Variants in CREBL2 observed in about 807,000 individuals in gnomAD.
The protein encoded by CREBL2 is cAMP responsive element binding protein like 2.
Under a neutral mutation model 19.5 loss-of-function variants are expected in CREBL2, and 4 were observed. That is an observed-to-expected ratio of 0.20 (90% CI 0.10 to 0.47). The LOEUF (loss-of-function observed/expected upper bound fraction) is 0.47, where lower values mean the gene tolerates loss of function less well. Among genes scored for constraint, CREBL2 ranks in the 20% least tolerant of loss-of-function variants. The pLI, the probability that CREBL2 is intolerant of heterozygous loss-of-function variation, is 0.98. For synonymous variants in CREBL2, 42 were observed against 46.6 expected, an observed-to-expected ratio of 0.90 and a Z score of 0.40; for missense variants, 85 against 145.1, an observed-to-expected ratio of 0.59 and a Z score of 2.13.
chr12:12,643,420 T>C lies in CREBL2; in HGVS notation c.*1422T>C, dbSNP rs1382224238. ...AGTTGTGTTCTCTGTCGCTGCTAAA[T>C]TATTCTTCACTTGAGTGAAGCAAAT... On this transcript the variant is annotated 3_prime_UTR_variant, in exon 4 of 4. Transcript: ENST00000228865. 1.3e-5 allele frequency: 2 copies of C among 152,680 alleles called. No individual in the cohort carries two copies. The highest frequency in any genetic ancestry group is 6.5e-5 in the Admixed American group (1 of 15,282). 9.5% of individuals were successfully genotyped at this position (152,680 alleles called of 1,614,324 possible).
chr12:12,634,721 A>C (rs578173287), intron 1 of CREBL2, among the ~76,000 whole-genome samples: 2 of 152,258 alleles, frequency 1.3e-5, no homozygotes, highest in East Asian at 3.9e-4. Flanking sequence ...TGAGTTCTTT[A>C]AATGTATTTT....
intron 1 of CREBL2, among the ~76,000 whole-genome samples, chr12:12,616,948 G>A (rs1458423968): frequency 6.6e-6 from 1 of 152,196 alleles, no homozygotes; most frequent in Non-Finnish European, 1.5e-5. Flanking sequence ...GGTAGTATTT[G>A]AGTGAGTAGG....
chr12:12,618,470 T>G (rs1396500704), intron 1 of CREBL2, among the ~76,000 whole-genome samples: 3 of 136,378 alleles, frequency 2.2e-5, no homozygotes, highest in Admixed American at 1.5e-4. Flanking sequence ...ATCTCAGACG[T>G]TGGGCGGCCG....
chr12:12,641,247 A>ATTTTTTTTTTTTTT (rs1380373401), intron 3 of CREBL2, among the ~76,000 whole-genome samples: 36 of 22,072 alleles, frequency 1.6e-3, no homozygotes, highest in East Asian at 4.2e-3. Flanking sequence ...TATTATTATT[A>ATTTTTTTTTTTTTT]TTATTATTTT....
rs1170248088 is a variant in CREBL2, at chr12:12,645,086, A to G, written c.*3088A>G. 6.6e-6 allele frequency: 1 copy of G among 152,226 alleles called. No homozygotes were observed. The highest frequency in any genetic ancestry group is 2.4e-5 in the African/African-American group (1 of 41,458). The allele number at this position is 152,226 out of a possible 1,614,324, so 9.4% of individuals were successfully genotyped here. On this transcript the variant is annotated 3_prime_UTR_variant, in exon 4 of 4. Transcript: ENST00000228865. ...AAACTGTTAAATAGGGAAGAACTAC[A>G]TTAAATTTAAATATTCACATTATGC...
At chr12:12,638,897 T>C (rs1012910123) in intron 3 of CREBL2, among the ~76,000 whole-genome samples, 5 of 152,212 alleles carry the variant, frequency 3.3e-5, no homozygotes, top group African/African-American at 7.2e-5. Context: ...GCAACCATTA[T>C]GTCTACCTAG....
chr12:12,623,877 A>G (rs1945380371), intron 1 of CREBL2, among the ~76,000 whole-genome samples: 1 of 152,216 alleles, frequency 6.6e-6, no homozygotes, highest in African/African-American at 2.4e-5. Context: ...ACTAAGGTAG[A>G]GGGAGCTTTG....
chr12:12,613,423 T>C (rs1247918095), intron 1 of CREBL2, among the ~76,000 whole-genome samples: 1 of 152,172 alleles, frequency 6.6e-6, no homozygotes, highest in African/African-American at 2.4e-5. Context: ...TGGGTGTCTT[T>C]TTTTGCTGCT....
At chr12:12,618,567 G>C (rs1375696342) in intron 1 of CREBL2, among the ~76,000 whole-genome samples, 1 of 152,008 alleles carries the variant, frequency 6.6e-6, no homozygotes, top group Non-Finnish European at 1.5e-5. Flanking sequence ...GGGCAGAGGG[G>C]CTCCTCACAT....
Position 12,644,270 on chromosome 12 carries a change from C to G in CREBL2, c.*2272C>G, listed in dbSNP as rs1332683588. On this transcript the variant is annotated 3_prime_UTR_variant, in exon 4 of 4. Coordinates refer to ENST00000228865, the MANE Select transcript of CREBL2 (RefSeq NM_001310.4). ...TGCCTCGGCTATTGTGCTGGCTGGACACTTTGGTCACTTTTGAAGCATGTT... is the reference window on the plus strand; with the variant it reads ...TGCCTCGGCTATTGTGCTGGCTGGAGACTTTGGTCACTTTTGAAGCATGTT... 1 of 152,188 alleles carries G rather than the reference C, an allele frequency of 6.6e-6. No homozygotes were observed. Among genetic ancestry groups the G allele is most frequent in the Non-Finnish European group, 1.5e-5 (1 of 68,030 alleles). 9.4% of individuals were successfully genotyped at this position (152,188 alleles called of 1,614,324 possible).
chr12:12,633,720 C>T (rs1180699123), intron 1 of CREBL2, among the ~76,000 whole-genome samples: 2 of 152,138 alleles, frequency 1.3e-5, no homozygotes, highest in Non-Finnish European at 2.9e-5. Flanking sequence ...CTTGACCTAA[C>T]TATTAGACTT....
At chr12:12,631,312 G>C (rs189465895) in intron 1 of CREBL2, among the ~76,000 whole-genome samples, 2 of 152,272 alleles carry the variant, frequency 1.3e-5, no homozygotes, top group Admixed American at 1.3e-4. Context: ...CTCACTGTCC[G>C]CATCTCACAA....
Position 12,617,296 on chromosome 12 carries a change from G to T in CREBL2, c.15+5109G>T, listed in dbSNP as rs973738285. On this transcript the variant is annotated intron_variant, in intron 1 of 3. Transcript: ENST00000228865. The stretch of plus-strand genomic sequence containing the variant: ...CCAGCACATACTTACAATGGCAAAT[G>T]AGAGAAATAAAGCAAGAGACAGATT... 2.0e-5 allele frequency among the ~76,000 whole-genome samples: 3 copies of T among 152,320 alleles called. No homozygotes were observed. The East Asian group carries it at 5.8e-4, about 29-fold the overall frequency.
chr12:12,631,107 C>T (rs2136304328), intron 1 of CREBL2, among the ~76,000 whole-genome samples: 1 of 152,302 alleles, frequency 6.6e-6, no homozygotes. Context: ...TGCTTGTAAT[C>T]AGTAGACTTT....
intron 1 of CREBL2, among the ~76,000 whole-genome samples, chr12:12,613,193 C>A (rs1372690779): frequency 1.3e-5 from 2 of 152,208 alleles, no homozygotes; most frequent in African/African-American, 4.8e-5. Flanking sequence ...TACATCTACC[C>A]ACATTAGTGT....
intron 1 of CREBL2, chr12:12,632,716 T>C (rs888911076): frequency 6.6e-6 from 1 of 152,026 alleles, no homozygotes; most frequent in Admixed American, 6.6e-5. Context: ...TCAAAAAGTG[T>C]ATTCAATAGT....
intron 3 of CREBL2, among the ~76,000 whole-genome samples, chr12:12,639,248 T>C (rs894274332): frequency 2.0e-5 from 3 of 152,248 alleles, no homozygotes; most frequent in Admixed American, 2.0e-4. Context: ...TTGTGAGTAG[T>C]ACTGCTGTGA....
intron 1 of CREBL2, 149 bp from the exon 2 acceptor site, chr12:12,635,628 A>G: frequency 1.3e-6 from 1 of 779,232 alleles, no homozygotes; most frequent in Non-Finnish European, 1.9e-6. Flanking sequence ...AAAGACCCAG[A>G]AGGCATTTGA....
At chr12:12,635,223 G>T (rs1163705451) in intron 1 of CREBL2, among the ~76,000 whole-genome samples, 8 of 151,976 alleles carry the variant, frequency 5.3e-5, no homozygotes, top group African/African-American at 1.9e-4. Context: ...AGAAAAATTA[G>T]CCAGGCATGG....
Sources: gnomAD v4.1 joint callset for allele counts (sites outside exome capture counted in the v4.1 genomes callset) on GRCh38, gnomAD v4.1.1 for gene constraint, MANE v1.5 for transcripts, NCBI Gene and HGNC (gene_info 2026-07-23, HGNC 2026-07-21) for gene names.